The following BIRC6 variants were observed in gnomAD, a reference collection of about 807,000 sequenced individuals.
BIRC6 encodes baculoviral IAP repeat containing 6, also known as dual E2 ubiquitin-conjugating enzyme/E3 ubiquitin-protein ligase BIRC6.
A neutral mutation model predicts 503.3 loss-of-function variants in BIRC6; 98 were observed. The ratio of observed to expected loss-of-function variants is 0.19; its 90% confidence interval spans 0.17 to 0.23. The LOEUF (loss-of-function observed/expected upper bound fraction) is 0.23, where lower values mean the gene tolerates loss of function less well. Ranked by LOEUF, BIRC6 falls within the 10% of genes least tolerant of loss-of-function variation. The probability of loss-of-function intolerance (pLI) is 1.00; values close to 1 mark genes in which losing one functional copy is unlikely to be tolerated. For missense variants in BIRC6, 5,360 were observed against 5,806.0 expected (o/e 0.92, Z 2.50); for synonymous variants, 2,240 against 2,078.7 (o/e 1.08, Z -2.11).
intron 66 of BIRC6, among the ~76,000 whole-genome samples, chr2:32,577,986 G>A (rs1464879783): frequency 6.6e-6 from 1 of 152,120 alleles, no homozygotes; most frequent in African/African-American, 2.4e-5. Context: ...TACAGTGACC[G>A]TGTGCAGTAC....
chr2:32,487,143 C>G (rs904232737), intron 40 of BIRC6, among the ~76,000 whole-genome samples: 5 of 152,054 alleles, frequency 3.3e-5, no homozygotes, highest in African/African-American at 9.7e-5. Context: ...TGATAAAGCT[C>G]TTAGTATCCT....
chr2:32,374,467 T>G (rs1250542514), intron 1 of BIRC6, among the ~76,000 whole-genome samples: 1 of 150,650 alleles, frequency 6.6e-6, no homozygotes, highest in East Asian at 1.9e-4. Context: ...CTGGCTAAAT[T>G]TTTTTAATTT....
At chr2:32,465,017 A>G (rs755712088) in intron 25 of BIRC6, 48 bp from the exon 26 acceptor site, 42 of 1,347,490 alleles carry the variant, frequency 3.1e-5, no homozygotes, top group Non-Finnish European at 4.2e-5. Flanking sequence ...TTATAGAACT[A>G]TAGTAATATC....
chr2:32,397,641 C>CACACACACACATATATGTGTATATATAT (rs1558617425), intron 6 of BIRC6, among the ~76,000 whole-genome samples: 1 of 142,374 alleles, frequency 7.0e-6, no homozygotes, highest in Non-Finnish European at 1.5e-5. Context: ...TATATATATA[C>CACACACACACATATATGTGTATATATAT]ACACACACAC....
At chr2:32,541,438 C>T (rs1253847273) in intron 61 of BIRC6, among the ~76,000 whole-genome samples, 1 of 151,964 alleles carries the variant, frequency 6.6e-6, no homozygotes, top group African/African-American at 2.4e-5. Flanking sequence ...AGCTGTAGAT[C>T]AGCTTAAGAC....
chr2:32,359,715 A>C (rs2033741827), intron 1 of BIRC6, among the ~76,000 whole-genome samples: 1 of 152,178 alleles, frequency 6.6e-6, no homozygotes, highest in African/African-American at 2.4e-5. Context: ...ATGAGAAGTG[A>C]AATTTATTAT....
chr2:32,518,808 G>A lies in BIRC6; in HGVS notation c.11494-9G>A, dbSNP rs192746668. ...TACTTCCTGATTTCTTTGATTTCTTGATTTTCAGCTGTACAAAGGTAGAAT... is the reference window on the plus strand; with the variant it reads ...TACTTCCTGATTTCTTTGATTTCTTAATTTTCAGCTGTACAAAGGTAGAAT... On this transcript the variant is annotated splice_polypyrimidine_tract_variant and intron_variant, in intron 56 of 73. Coordinates refer to ENST00000421745, the MANE Select transcript of BIRC6 (RefSeq NM_016252.4). The A allele has an allele frequency of 3.0e-5, 49 of 1,608,824 alleles. No individual in the cohort carries two copies. The highest frequency in any genetic ancestry group is 3.7e-5 in the Non-Finnish European group (44 of 1,177,530).
At position 32,539,815 on chromosome 2, in the gene BIRC6, A is replaced by G. The variant is rs117812623; in HGVS notation, c.12292-3426A>G. Reference sequence around the variant, plus strand: ...ATTACTACAGTAAGAGCCAGAATCAATTAAATATAAAACAAAAAAATCAAA... The same window carrying G: ...ATTACTACAGTAAGAGCCAGAATCAGTTAAATATAAAACAAAAAAATCAAA... On this transcript the variant is annotated intron_variant, in intron 61 of 73. Coordinates refer to ENST00000421745, the MANE Select transcript of BIRC6 (RefSeq NM_016252.4). Among the ~76,000 whole-genome samples, 744 of 152,232 alleles carry G rather than the reference A, an allele frequency of 4.9e-3. 29 individuals carry two copies. In the East Asian group the frequency reaches 0.093, roughly 19 times the overall value.
rs1169813359 is a variant in BIRC6 at position 32,415,990 on chromosome 2, T to C, written c.2699T>C (p.Leu900Pro). ...GAAAAAACGTCTGACATTTCTACTC[T>C]TGGACACCTGGTAATAACCACTCAG... ...EREKTSDIST[L>P]GHLVITTQGG... Residue 900 changes from leucine (L) to proline (P), a missense_variant, in exon 10 of 74, where the codon CTT (leucine) becomes CCT (proline). Leu to Pro is a moderately conservative substitution (Grantham distance 98, BLOSUM62 -3). This residue lies in a region of BIRC6 where 700 missense variants were observed against 739.3 expected (regional missense o/e 0.95). Transcript: ENST00000421745. 1 of 1,613,928 alleles carries C rather than the reference T, an allele frequency of 6.2e-7. No individual in the cohort carries two copies. Among genetic ancestry groups the C allele is most frequent in the Admixed American group, 1.7e-5 (1 of 60,010 alleles).
At chr2:32,381,365 G>A (rs1487658256) in intron 3 of BIRC6, among the ~76,000 whole-genome samples, 3 of 151,998 alleles carry the variant, frequency 2.0e-5, no homozygotes, top group African/African-American at 7.2e-5. Context: ...TCAGTCTCCT[G>A]AGTAGCTGGG....
chr2:32,608,187 G>A (rs780435882), intron 72 of BIRC6, among the ~76,000 whole-genome samples: 3 of 150,770 alleles, frequency 2.0e-5, no homozygotes, highest in Non-Finnish European at 4.4e-5. Context: ...TAGATACTCA[G>A]TGGGCTAAGG....
chr2:32,368,840 C>G (rs1249656829), intron 1 of BIRC6, among the ~76,000 whole-genome samples: 1 of 152,132 alleles, frequency 6.6e-6, no homozygotes. Flanking sequence ...TTAATAGAGA[C>G]AAGGTTTCAC....
At chr2:32,360,644 T>TCC (rs892176303) in intron 1 of BIRC6, among the ~76,000 whole-genome samples, 16 of 152,344 alleles carry the variant, frequency 1.1e-4, no homozygotes, top group Middle Eastern at 6.8e-3. Context: ...AACTTCCTGA[T>TCC]CCCTTTAGCC....
chr2:32,425,026 A>G (rs764933687), intron 10 of BIRC6, among the ~76,000 whole-genome samples: 1 of 151,082 alleles, frequency 6.6e-6, no homozygotes, highest in Non-Finnish European at 1.5e-5. Flanking sequence ...GCATTTCTTC[A>G]TGTGTTTATT....
In BIRC6 at chr2:32,608,938, G is replaced by A. The variant is rs115446557; in HGVS notation, c.14259+1295G>A. 8.7e-3 allele frequency among the ~76,000 whole-genome samples: 1,327 copies of A among 151,978 alleles called. 9 individuals carry two copies. The highest frequency in any genetic ancestry group is 0.021 in the Middle Eastern group (6 of 290). On this transcript the variant is annotated intron_variant, in intron 72 of 73. Transcript: ENST00000421745. ...TCTGTTGCCTGTGCTGGAATACAGT[G>A]GCGGAATCTCGGCTTACTGCACCCT...
chr2:32,510,198 C>T (rs1389993976), intron 52 of BIRC6, among the ~76,000 whole-genome samples: 1 of 152,134 alleles, frequency 6.6e-6, no homozygotes, highest in Non-Finnish European at 1.5e-5. Context: ...ACAACCTCCA[C>T]CTCCCTAGTA....
At chr2:32,517,772 A>G (rs1572759630) in intron 55 of BIRC6, among the ~76,000 whole-genome samples, 1 of 152,124 alleles carries the variant, frequency 6.6e-6, no homozygotes, top group Admixed American at 6.5e-5. Context: ...GGGTAGAGAC[A>G]GGTTTCACCA....
At chr2:32,524,464 G>C (rs1394988948) in intron 57 of BIRC6, among the ~76,000 whole-genome samples, 1 of 152,160 alleles carries the variant, frequency 6.6e-6, no homozygotes, top group Non-Finnish European at 1.5e-5. Context: ...GCCATATACA[G>C]ATTATATCAG....
At chr2:32,436,232 TA>T in intron 15 of BIRC6, 48 bp downstream of exon 15, 4 of 1,329,970 alleles carry the variant, frequency 3.0e-6, no homozygotes, top group South Asian at 2.1e-5. Flanking sequence ...ACCACAGTTG[TA>T]AAAAAGACGA....
Sources: allele counts gnomAD v4.1 joint callset (sites outside exome capture counted in the v4.1 genomes callset), GRCh38; gene constraint gnomAD v4.1.1; regional missense constraint gnomAD v4.1.1; transcripts MANE v1.5; gene names NCBI Gene and HGNC (gene_info 2026-07-23, HGNC 2026-07-21).